POLA2: variants seen among roughly 807,000 people sequenced by gnomAD.
The protein encoded by POLA2 is DNA polymerase alpha subunit B.
Under a neutral mutation model 82.8 loss-of-function variants are expected in POLA2, and 47 were observed. The observed-to-expected ratio is 0.57, with a 90% confidence interval of 0.45 to 0.72. The LOEUF is 0.72. POLA2 is among the 30% of genes least tolerant of loss of function. The probability of loss-of-function intolerance (pLI) is 0.00; values close to 1 mark genes in which losing one functional copy is unlikely to be tolerated. For synonymous variants in POLA2, 287 were observed against 286.8 expected (o/e 1.00, Z -0.01); for missense variants, 634 against 728.1 (o/e 0.87, Z 1.49).
chr11:65,270,939 G>A (rs1471892655), intron 4 of POLA2, among the ~76,000 whole-genome samples: 2 of 152,146 alleles, frequency 1.3e-5, no homozygotes, highest in East Asian at 3.8e-4. Context: ...TGTAGGAGCT[G>A]GCCCCCTCCT....
At chr11:65,302,062 C>G (rs1193615690), downstream of POLA2, among the ~76,000 whole-genome samples, 1 of 152,122 alleles carries the variant, frequency 6.6e-6, no homozygotes, top group Non-Finnish European at 1.5e-5. Context: ...GCTGCCCAGG[C>G]AAAGGGGCCC....
chr11:65,294,061 T>G, intron 13 of POLA2, 92 bp from the exon 14 acceptor site: 1 of 1,085,528 alleles, frequency 9.2e-7, no homozygotes, highest in Non-Finnish European at 1.4e-6. Flanking sequence ...GGGCTCTGCC[T>G]CCAGCCTGAG....
intron 10 of POLA2, among the ~76,000 whole-genome samples, chr11:65,286,880 C>T (rs576778307): frequency 1.3e-5 from 2 of 152,264 alleles, no homozygotes; most frequent in East Asian, 1.9e-4. Context: ...AGACTGGACA[C>T]GTGGCTAGAA....
At chr11:65,303,318 G>A (rs1446761147), downstream of POLA2, among the ~76,000 whole-genome samples, 20 of 149,888 alleles carry the variant, frequency 1.3e-4, no homozygotes, top group Admixed American at 1.3e-3. Context: ...CTCCAGCCTG[G>A]GCAACGGAGT....
intron 8 of POLA2, 122 bp from the exon 9 acceptor site, chr11:65,281,548 C>A: frequency 1.4e-6 from 1 of 720,124 alleles, no homozygotes; most frequent in Non-Finnish European, 2.5e-6. Flanking sequence ...TACAAAAATG[C>A]CCTAAGTTTA....
chr11:65,288,264 C>T (rs566392675), intron 11 of POLA2, among the ~76,000 whole-genome samples: 2 of 152,276 alleles, frequency 1.3e-5, no homozygotes, highest in South Asian at 4.1e-4. Flanking sequence ...GCTGAGATTG[C>T]ACCACTGCCC....
At chr11:65,296,102 C>T in intron 17 of POLA2, 112 bp downstream of exon 17, 1 of 1,168,302 alleles carries the variant, frequency 8.6e-7, no homozygotes, top group Non-Finnish European at 1.3e-6. Context: ...GATGGGGCCT[C>T]TAGCACCCTG....
chr11:65,294,133 T>C lies in POLA2; in HGVS notation c.1245-20T>C, dbSNP rs756403286. 3.1e-6 allele frequency: 5 copies of C among 1,594,736 alleles called. No homozygotes were observed. Among genetic ancestry groups the C allele is most frequent in the Non-Finnish European group, 4.3e-6 (5 of 1,166,514 alleles). On this transcript the variant is annotated intron_variant, in intron 13 of 17. Transcript: ENST00000265465. ...GCACTCACTTTTCTCACTCTTCTGTTTGTTCTTTTGCCATACTAGCTCCGG... is the reference window on the plus strand; with the variant it reads ...GCACTCACTTTTCTCACTCTTCTGTCTGTTCTTTTGCCATACTAGCTCCGG...
intron 8 of POLA2, among the ~76,000 whole-genome samples, chr11:65,305,169 C>T (rs564781231): frequency 7.3e-4 from 111 of 152,232 alleles, no homozygotes; most frequent in African/African-American, 2.5e-3. Context: ...TAACTGTCCC[C>T]AGAAGTGGCC....
In POLA2 at chr11:65,297,194, C is replaced by G; in HGVS notation, c.1722C>G (p.Leu574=). Residue 574 remains leucine, a synonymous_variant, in exon 18 of 18, where the codon CTC becomes CTG. Coordinates refer to ENST00000265465, the MANE Select transcript of POLA2 (RefSeq NM_002689.4). ...KGQVGGTFAR[L]YLRRPAADGA... ...AGGTGGGAGGCACCTTCGCCCGACT[C>G]TACCTTAGGAGGCCGGCAGCGGACG... 6.2e-7 allele frequency: 1 copy of G among 1,614,150 alleles called. No individual in the cohort carries two copies. The highest frequency in any genetic ancestry group is 8.5e-7 in the Non-Finnish European group (1 of 1,180,018).
chr11:65,262,134 C>A lies in POLA2; in HGVS notation c.-159C>A. 1.7e-6 allele frequency: 1 copy of A among 602,036 alleles called. No homozygotes were observed. Among genetic ancestry groups the A allele is most frequent in the Non-Finnish European group, 3.0e-6 (1 of 336,436 alleles). The allele number at this position is 602,036 out of a possible 1,614,324, so 37.3% of individuals were successfully genotyped here. A position where few individuals can be genotyped will look rare whatever the true frequency, so the allele number is the denominator to read the frequency against. ...GTGACCGACGGCCGGGGCCTTCTGA[C>A]GGTCTGAGGTCTTGCTTGGGCCAGT... On this transcript the variant is annotated 5_prime_UTR_variant, in exon 1 of 18. Coordinates refer to ENST00000265465, the MANE Select transcript of POLA2 (RefSeq NM_002689.4).
At position 65,282,468 on chromosome 11, in the gene POLA2, CCT is replaced by C. The variant is rs1465622124; in HGVS notation, c.964-10_964-9del. 1.1e-5 allele frequency: 17 copies of C among 1,613,302 alleles called. No individual in the cohort carries two copies. Among genetic ancestry groups the C allele is most frequent in the East Asian group, 2.2e-5 (1 of 44,868 alleles). ...CGCAAGACCTTACTTGAGCTTTTCC[CCT>C]GTTTTTAGGGTGTGCCACTTCCATT... On this transcript the variant is annotated splice_polypyrimidine_tract_variant and intron_variant, in intron 9 of 17. Transcript: ENST00000265465.
At chr11:65,282,817 T>A (rs1192789513) in intron 10 of POLA2, among the ~76,000 whole-genome samples, 1 of 152,130 alleles carries the variant, frequency 6.6e-6, no homozygotes, top group African/African-American at 2.4e-5. Flanking sequence ...AGATGTACGA[T>A]TTCAAAAAGA....
Position 65,288,940 on chromosome 11 carries a change from G to A in POLA2, c.1132-110G>A, listed in dbSNP as rs73484972. ...CCCAGGCTCTACAGGCAGCCTTGGAGGGACAGATGAGCCCTCCACAGAGAA... is the reference window on the plus strand; with the variant it reads ...CCCAGGCTCTACAGGCAGCCTTGGAAGGACAGATGAGCCCTCCACAGAGAA... On this transcript the variant is annotated intron_variant, in intron 11 of 17. Coordinates refer to ENST00000265465, the MANE Select transcript of POLA2 (RefSeq NM_002689.4). 7.6e-3 allele frequency: 7,795 copies of A among 1,023,748 alleles called. 378 individuals carry two copies. The African/African-American group carries it at 0.11, about 14-fold the overall frequency. The allele number at this position is 1,023,748 out of a possible 1,614,324, so 63.4% of individuals were successfully genotyped here.
chr11:65,301,887 G>A (rs1949861013), downstream of POLA2, among the ~76,000 whole-genome samples: 1 of 152,196 alleles, frequency 6.6e-6, no homozygotes, highest in Non-Finnish European at 1.5e-5. Flanking sequence ...GCCTACTGCT[G>A]CTTTCGTGGG....
At chr11:65,275,241 A>G (rs1219208898) in intron 4 of POLA2, among the ~76,000 whole-genome samples, 1 of 152,102 alleles carries the variant, frequency 6.6e-6, no homozygotes, top group African/African-American at 2.4e-5. Context: ...CCTGGCTGCT[A>G]TCCAGGCAAG....
downstream of POLA2, among the ~76,000 whole-genome samples, chr11:65,301,003 T>C (rs1005174301): frequency 6.6e-6 from 1 of 152,240 alleles, no homozygotes; most frequent in African/African-American, 2.4e-5. Flanking sequence ...ATTTTATCAG[T>C]GCATCCACTG....
At chr11:65,286,617 T>G (rs1046223980) in intron 10 of POLA2, among the ~76,000 whole-genome samples, 3 of 152,148 alleles carry the variant, frequency 2.0e-5, no homozygotes, top group African/African-American at 4.8e-5. Flanking sequence ...CTCGACCTCC[T>G]GAGCTCAAGG....
chr11:65,292,290 G>C (rs912467122), intron 13 of POLA2, among the ~76,000 whole-genome samples: 8 of 152,218 alleles, frequency 5.3e-5, no homozygotes, highest in African/African-American at 1.9e-4. Flanking sequence ...AGCAGAGCCC[G>C]CGGTTCTCGT....
Sources: allele counts gnomAD v4.1 joint callset (sites outside exome capture counted in the v4.1 genomes callset), GRCh38; gene constraint gnomAD v4.1.1; transcripts MANE v1.5; gene names NCBI Gene and HGNC (gene_info 2026-07-23, HGNC 2026-07-21).